PTCD3: variants seen among roughly 807,000 people sequenced by gnomAD.
PTCD3 encodes small ribosomal subunit protein mS39.
A neutral mutation model predicts 101.9 loss-of-function variants in PTCD3; 89 were observed. The observed-to-expected ratio is 0.87, with a 90% CI of 0.74 to 1.04. The LOEUF (loss-of-function observed/expected upper bound fraction) is 1.04, where lower values mean the gene tolerates loss of function less well. Among genes scored for constraint, PTCD3 ranks in the 50% least tolerant of loss-of-function variants. PTCD3 has a pLI of 0.00. For synonymous variants in PTCD3, 296 were observed against 278.5 expected, an observed-to-expected ratio of 1.06 and a Z score of -0.63; for missense variants, 870 against 828.2, an observed-to-expected ratio of 1.05 and a Z score of -0.62.
chr2:86,118,796 G>A (rs1312235404), intron 6 of PTCD3, 125 bp from the exon 7 acceptor site: 2 of 1,080,354 alleles, frequency 1.9e-6, no homozygotes, highest in African/African-American at 3.2e-5. Flanking sequence ...ATCTGGTGCA[G>A]GAAACATGAA....
chr2:86,107,801 GGC>G (rs1673991180), intron 1 of PTCD3, among the ~76,000 whole-genome samples: 2 of 152,116 alleles, frequency 1.3e-5, no homozygotes, highest in Non-Finnish European at 2.9e-5. Flanking sequence ...TTCTGATCAG[GGC>G]AGTATCTGTA....
chr2:86,118,848 G>A (rs1674226647), intron 6 of PTCD3, 73 bp from the exon 7 acceptor site: 2 of 1,505,060 alleles, frequency 1.3e-6, no homozygotes, highest in South Asian at 1.2e-5. Context: ...GGTGATAAAA[G>A]TTTTGTCCTA....
chr2:86,120,921 T>A (rs754007826), intron 7 of PTCD3, among the ~76,000 whole-genome samples: 2 of 152,208 alleles, frequency 1.3e-5, no homozygotes, highest in African/African-American at 4.8e-5. Context: ...ACTTTTCTTA[T>A]AAGATAGCAG....
intron 16 of PTCD3, among the ~76,000 whole-genome samples, chr2:86,132,071 T>G (rs1263671634): frequency 1.3e-5 from 2 of 152,246 alleles, no homozygotes; most frequent in African/African-American, 4.8e-5. Context: ...GTGTCTTTTG[T>G]GCACTTGACC....
At chr2:86,136,808 T>C in intron 22 of PTCD3, 174 bp from the exon 23 acceptor site, 1 of 863,634 alleles carries the variant, frequency 1.2e-6, no homozygotes. Flanking sequence ...ATAATCCATT[T>C]GGCCCTTTAG....
At position 86,108,404 on chromosome 2, in the gene PTCD3, T is replaced by A; in HGVS notation, c.157+2T>A. The A allele has an allele frequency of 6.2e-7, 1 of 1,605,110 alleles. No individual in the cohort carries two copies. Among genetic ancestry groups the A allele is most frequent in the Non-Finnish European group, 8.5e-7 (1 of 1,177,108 alleles). On this transcript the variant is annotated splice_donor_variant, in intron 2 of 23. Coordinates refer to ENST00000254630, the MANE Select transcript of PTCD3 (RefSeq NM_017952.6). LOFTEE classifies it high-confidence loss of function. ...AGGTTGAAGGAACTGATGTAACAGG[T>A]ATATTTTAAAATATATTGAATTCTA...
rs1553442735 is a variant in PTCD3, at chr2:86,140,919, A to AACC, written c.*3361_*3362insCCA. 5 of 141,046 alleles carry AACC rather than the reference A, an allele frequency of 3.5e-5. No homozygotes were observed. Among genetic ancestry groups the AACC allele is most frequent in the Non-Finnish European group, 6.1e-5 (4 of 65,498 alleles). 8.7% of individuals were successfully genotyped at this position (141,046 alleles called of 1,614,324 possible). ...AAACCCATCTCAAAAAAAAAAAAAA[A>AACC]AAACCAAAAAAACTGTCCAGCTGTG... On this transcript the variant is annotated 3_prime_UTR_variant, in exon 24 of 24. Transcript: ENST00000254630.
intron 3 of PTCD3, 191 bp from the exon 4 acceptor site, chr2:86,110,922 C>A: frequency 1.3e-6 from 1 of 745,260 alleles, no homozygotes; most frequent in Non-Finnish European, 2.5e-6. Context: ...AAGAGAGGAA[C>A]ATGTACCAAC....
At position 86,113,054 on chromosome 2, in the gene PTCD3, C is replaced by T. The variant is rs1674119020; in HGVS notation, c.240+1896C>T. Among the ~76,000 whole-genome samples the T allele has an allele frequency of 2.0e-5, 3 of 152,166 alleles. No individual in the cohort carries two copies. In the South Asian group the frequency reaches 6.2e-4, roughly 32 times the overall value. ...TATGATCTTAGGGAAGTTACTTTAC[C>T]TCTTGATACTTCTGTTTCCTGACTT... is the stretch of plus-strand genomic sequence containing the variant. On this transcript the variant is annotated intron_variant, in intron 4 of 23. Transcript: ENST00000254630.
At chr2:86,115,232 T>A (rs1423788173) in intron 4 of PTCD3, among the ~76,000 whole-genome samples, 1 of 152,178 alleles carries the variant, frequency 6.6e-6, no homozygotes, top group Non-Finnish European at 1.5e-5. Flanking sequence ...GTCTGTTAAC[T>A]CTTTTCTGCA....
intron 7 of PTCD3, among the ~76,000 whole-genome samples, chr2:86,120,902 G>T (rs75038217): frequency 0.032 from 4,861 of 152,210 alleles, 149 homozygotes; most frequent in East Asian, 0.15. Context: ...AAAACAAAAA[G>T]ATACATTTAC....
chr2:86,131,807 G>T (rs991567227), intron 16 of PTCD3, among the ~76,000 whole-genome samples: 4 of 152,070 alleles, frequency 2.6e-5, no homozygotes, highest in Admixed American at 2.6e-4. Context: ...GGCAAAAACC[G>T]CAATTACAAA....
rs902219770 is a variant in PTCD3, at chr2:86,127,601, A to G, written c.1096+296A>G. The G allele has an allele frequency of 2.4e-5, 11 of 464,328 alleles. 1 individual carries two copies. Among genetic ancestry groups the G allele is most frequent in the Non-Finnish European group, 4.2e-5 (11 of 263,700 alleles). The allele number at this position is 464,328 out of a possible 1,614,324, so 28.8% of individuals were successfully genotyped here. On this transcript the variant is annotated intron_variant, in intron 13 of 23. Coordinates refer to ENST00000254630, the MANE Select transcript of PTCD3 (RefSeq NM_017952.6). ...TGACATTTTCCCAACATAATTAGGT[A>G]TTTGAACCTAAGTGTGTGCTAGTGT...
Position 86,134,879 on chromosome 2 carries a change from C to A in PTCD3, c.1670C>A (p.Ser557Tyr). ...GCTGACTGTGCTGCTGATATCAAATCTGCGTATGAAAGCCAACCCATCAGA... is the reference window on the plus strand; with the variant it reads ...GCTGACTGTGCTGCTGATATCAAATATGCGTATGAAAGCCAACCCATCAGA... ...AFADCAADIKSAYESQPIRQT... is the reference protein window; with the variant it reads ...AFADCAADIKYAYESQPIRQT... Residue 557 changes from serine to tyrosine, a missense_variant, in exon 21 of 24, where the codon TCT becomes TAT. By Grantham distance (144) the Ser-to-Tyr change is moderately radical. Transcript: ENST00000254630. The A allele has an allele frequency of 6.2e-7, 1 of 1,614,166 alleles. No homozygotes were observed. Among genetic ancestry groups the A allele is most frequent in the South Asian group, 1.1e-5 (1 of 91,076 alleles).
chr2:86,127,447 T>G (rs1674416557), intron 13 of PTCD3, 142 bp downstream of exon 13: 1 of 931,322 alleles, frequency 1.1e-6, no homozygotes, highest in Admixed American at 2.8e-5. Flanking sequence ...GCACATTTAC[T>G]TACATGTACT....
intron 16 of PTCD3, among the ~76,000 whole-genome samples, 170 bp from the exon 17 acceptor site, chr2:86,132,148 T>G (rs1357315506): frequency 1.2e-4 from 19 of 152,250 alleles, no homozygotes; most frequent in Admixed American, 1.2e-3. Context: ...GTAATAAATT[T>G]CACAGAACTT....
At chr2:86,119,536 T>C (rs1423510202) in intron 7 of PTCD3, 2 of 156,808 alleles carry the variant, frequency 1.3e-5, no homozygotes, top group East Asian at 3.8e-4. Context: ...TTTTTGTGTT[T>C]TTAATAGAGG....
At chr2:86,112,948 G>A (rs903416640) in intron 4 of PTCD3, among the ~76,000 whole-genome samples, 1 of 152,114 alleles carries the variant, frequency 6.6e-6, no homozygotes, top group Non-Finnish European at 1.5e-5. Context: ...TAATGTACCT[G>A]TCATGCTGAC....
intron 10 of PTCD3, 143 bp downstream of exon 10, chr2:86,125,225 A>G (rs1490696652): frequency 2.9e-6 from 4 of 1,373,060 alleles, no homozygotes; most frequent in African/African-American, 1.5e-5. Flanking sequence ...CCTGGCTTCT[A>G]CCCACTGGAT....
Sources: gnomAD v4.1 joint callset for allele counts (sites outside exome capture counted in the v4.1 genomes callset) on GRCh38, gnomAD v4.1.1 for gene constraint, MANE v1.5 for transcripts, NCBI Gene and HGNC (gene_info 2026-07-23, HGNC 2026-07-21) for gene names.